The following PDE3A variants were observed in gnomAD, a reference collection of about 807,000 sequenced individuals.
The protein encoded by PDE3A is phosphodiesterase 3A.
A neutral mutation model predicts 98.3 loss-of-function variants in PDE3A; 43 were observed. That is an observed-to-expected ratio of 0.44 (90% CI 0.34 to 0.56). The LOEUF (loss-of-function observed/expected upper bound fraction) is 0.56. Among genes scored for constraint, PDE3A ranks in the 20% least tolerant of loss-of-function variants. The probability of loss-of-function intolerance (pLI) is 0.01; values close to 1 mark genes in which losing one functional copy is unlikely to be tolerated. For missense variants in PDE3A, 1,427 were observed against 1,440.7 expected (o/e 0.99, Z 0.15); for synonymous variants, 663 against 567.9 (o/e 1.17, Z -2.38).
chr12:20,437,068 TG>T (rs1944789997), intron 1 of PDE3A, among the ~76,000 whole-genome samples: 2 of 151,994 alleles, frequency 1.3e-5, no homozygotes, highest in African/African-American at 4.8e-5. Context: ...TGTGTGTGTG[TG>T]TGTGTGTGCC....
intron 2 of PDE3A, among the ~76,000 whole-genome samples, chr12:20,570,407 C>CAAAAAAAAAAAAAAAAAAAAA (rs61242685): frequency 4.6e-5 from 2 of 43,356 alleles, no homozygotes; most frequent in African/African-American, 2.3e-4. Context: ...GACGCTGTCT[C>CAAAAAAAAAAAAAAAAAAAAA]AAAAAAAAAA....
intron 2 of PDE3A, among the ~76,000 whole-genome samples, chr12:20,609,715 A>T (rs1041319849): frequency 6.6e-6 from 1 of 152,048 alleles, no homozygotes; most frequent in Non-Finnish European, 1.5e-5. Context: ...ACACCAATGG[A>T]ACAGGATAGA....
chr12:20,525,306 C>T (rs982832176), intron 1 of PDE3A, among the ~76,000 whole-genome samples: 2 of 152,090 alleles, frequency 1.3e-5, no homozygotes, highest in African/African-American at 2.4e-5. Flanking sequence ...TAGTCATCAT[C>T]GTTTACTATT....
chr12:20,553,129 A>T, intron 1 of PDE3A: 1 of 815,236 alleles, frequency 1.2e-6, no homozygotes, highest in Non-Finnish European at 1.9e-6. Flanking sequence ...TCCGTTCCCT[A>T]AAAAGGTTTG....
chr12:20,589,147 A>G (rs564978764), intron 2 of PDE3A, among the ~76,000 whole-genome samples: 42 of 151,928 alleles, frequency 2.8e-4, no homozygotes, highest in African/African-American at 9.9e-4. Context: ...GATGGTCTTG[A>G]TCTCCTGACC....
intron 6 of PDE3A, among the ~76,000 whole-genome samples, chr12:20,632,591 G>T (rs1008423773): frequency 3.3e-5 from 5 of 152,084 alleles, no homozygotes; most frequent in African/African-American, 1.2e-4. Flanking sequence ...GGCCATTTGT[G>T]GGGTTACTGT....
intron 1 of PDE3A, among the ~76,000 whole-genome samples, chr12:20,416,320 G>C (rs971832305): frequency 2.0e-5 from 3 of 152,120 alleles, no homozygotes; most frequent in African/African-American, 7.2e-5. Flanking sequence ...ACAAACTACC[G>C]TTAGGTTGTT....
intron 15 of PDE3A, among the ~76,000 whole-genome samples, chr12:20,664,829 A>T (rs1945268382): frequency 6.6e-6 from 1 of 152,130 alleles, no homozygotes; most frequent in African/African-American, 2.4e-5. Flanking sequence ...CTTTATCAGC[A>T]GTGTGAAATT....
At chr12:20,585,526 C>T (rs1943171365) in intron 2 of PDE3A, among the ~76,000 whole-genome samples, 1 of 152,190 alleles carries the variant, frequency 6.6e-6, no homozygotes, top group Non-Finnish European at 1.5e-5. Context: ...GTGTTTCATT[C>T]TGTCCTCACC....
intron 1 of PDE3A, among the ~76,000 whole-genome samples, chr12:20,486,443 G>T (rs1258903492): frequency 1.3e-5 from 2 of 152,108 alleles, no homozygotes; most frequent in Non-Finnish European, 2.9e-5. Flanking sequence ...GAATCATGGG[G>T]ATTACAATTC....
At chr12:20,609,972 G>A (rs1021305832) in intron 2 of PDE3A, among the ~76,000 whole-genome samples, 15 of 151,818 alleles carry the variant, frequency 9.9e-5, no homozygotes, top group Admixed American at 1.3e-4. Context: ...GAAAGCTCTC[G>A]GACATTGACC....
At chr12:20,558,691 AAAT>A (rs66996145) in intron 2 of PDE3A, among the ~76,000 whole-genome samples, 13,321 of 147,732 alleles carry the variant, frequency 0.09, 668 homozygotes, top group East Asian at 0.17. Flanking sequence ...CCTGCTGACG[AAAT>A]AATAATAATA....
chr12:20,507,332 G>A (rs895712417), intron 1 of PDE3A, among the ~76,000 whole-genome samples: 2 of 152,048 alleles, frequency 1.3e-5, no homozygotes, highest in Non-Finnish European at 2.9e-5. Flanking sequence ...GAAAGTTCAA[G>A]TCTGTAAAAA....
intron 1 of PDE3A, among the ~76,000 whole-genome samples, chr12:20,374,731 T>A (rs1777429879): frequency 1.3e-5 from 2 of 152,064 alleles, no homozygotes; most frequent in South Asian, 4.1e-4. Context: ...ATTAGAAGTA[T>A]GCCTATATAT....
chr12:20,561,866 C>T (rs552914918), intron 2 of PDE3A, among the ~76,000 whole-genome samples: 2 of 152,104 alleles, frequency 1.3e-5, no homozygotes, highest in African/African-American at 2.4e-5. Context: ...ACTTTTTAGA[C>T]GCAGCAAGAA....
rs1945763589 is a variant in PDE3A, at chr12:20,680,866, G to A, written c.*595G>A. On this transcript the variant is annotated 3_prime_UTR_variant, in exon 16 of 16. Transcript: ENST00000359062. ...TGTGTGTGTGTGTGTGTGTGTGTGT[G>A]TGTGAAAGAGAGACAGAAGGGAATG... The A allele has an allele frequency of 6.5e-6, 1 of 154,232 alleles. No individual in the cohort carries two copies. Among genetic ancestry groups the A allele is most frequent in the African/African-American group, 2.4e-5 (1 of 41,178 alleles). 9.6% of individuals were successfully genotyped at this position (154,232 alleles called of 1,614,324 possible).
At chr12:20,526,979 C>T (rs1354633223) in intron 1 of PDE3A, among the ~76,000 whole-genome samples, 1 of 151,246 alleles carries the variant, frequency 6.6e-6, no homozygotes, top group Non-Finnish European at 1.5e-5. Context: ...AGTGCAATGG[C>T]GCGATCTCGG....
chr12:20,678,553 A>G (rs1233009259), intron 15 of PDE3A, among the ~76,000 whole-genome samples: 3 of 152,208 alleles, frequency 2.0e-5, no homozygotes, highest in Admixed American at 2.0e-4. Context: ...TGGTTCATGT[A>G]AACATGATGT....
intron 2 of PDE3A, among the ~76,000 whole-genome samples, chr12:20,562,460 C>T (rs4612865): frequency 0.36 from 53,937 of 151,572 alleles, 11,934 homozygotes; most frequent in East Asian, 0.57. Flanking sequence ...CCTCGTGATC[C>T]GCCTGCCTCG....
Sources: allele counts gnomAD v4.1 joint callset (sites outside exome capture counted in the v4.1 genomes callset), GRCh38; gene constraint gnomAD v4.1.1; transcripts MANE v1.5; gene names NCBI Gene and HGNC (gene_info 2026-07-23, HGNC 2026-07-21).